SUSD4: variants seen among roughly 807,000 people sequenced by gnomAD.
SUSD4 encodes sushi domain-containing protein 4.
In SUSD4, 41 loss-of-function variants were observed where a neutral mutation model predicts 50.5. That is an observed-to-expected ratio of 0.81 (90% CI 0.63 to 1.05). The LOEUF is 1.05. Ranked by LOEUF, SUSD4 falls within the 50% of genes least tolerant of loss-of-function variation. SUSD4 has a pLI of 0.00. For synonymous variants in SUSD4, 257 were observed against 257.3 expected (o/e 1.00, Z 0.01); for missense variants, 580 against 634.7 (o/e 0.91, Z 0.93).
At chr1:223,331,568 A>C (rs1473788588) in intron 2 of SUSD4, among the ~76,000 whole-genome samples, 1 of 152,162 alleles carries the variant, frequency 6.6e-6, no homozygotes, top group Non-Finnish European at 1.5e-5. Flanking sequence ...GCCTACTTAA[A>C]AGCCCTTGGT....
At position 223,230,960 on chromosome 1, in the gene SUSD4, A is replaced by G. The variant is rs191872975; in HGVS notation, c.725-1572T>C. ...ATTCAGGGAAAACCAGGACTTGAGTATCTAAAGAGATGGAATTTAACGAGG... is the reference window on the plus strand; with the variant it reads ...ATTCAGGGAAAACCAGGACTTGAGTGTCTAAAGAGATGGAATTTAACGAGG... On this transcript the variant is annotated intron_variant, in intron 5 of 8. Transcript: ENST00000366878. Among the ~76,000 whole-genome samples, 249 of 152,286 alleles carry G rather than the reference A, an allele frequency of 1.6e-3. 1 individual carries two copies. The highest frequency in any genetic ancestry group is 5.8e-3 in the African/African-American group (241 of 41,556).
intron 1 of SUSD4, 106 bp from the exon 2 acceptor site, chr1:223,363,566 A>C: frequency 1.5e-6 from 2 of 1,292,512 alleles, no homozygotes; most frequent in Non-Finnish European, 2.0e-6. Flanking sequence ...CCCAGGCTCC[A>C]TCCTGGTTCC....
Position 223,363,277 on chromosome 1 carries a change from C to T in SUSD4, c.148+1G>A. 3.1e-6 allele frequency: 5 copies of T among 1,587,638 alleles called. No individual in the cohort carries two copies. The highest frequency in any genetic ancestry group is 4.3e-6 in the Non-Finnish European group (5 of 1,165,254). ...CCTCCCACCACAGCTGGGTCACTCA[C>T]CGCCCGTGAGCTGTGCAGGGCCGAA... On this transcript the variant is annotated splice_donor_variant, in intron 2 of 8. Coordinates refer to ENST00000366878, the MANE Select transcript of SUSD4 (RefSeq NM_017982.4). LOFTEE classifies it high-confidence loss of function.
chr1:223,229,048 C>G lies in SUSD4; in HGVS notation c.916+149G>C. The G allele has an allele frequency of 2.5e-6, 2 of 786,738 alleles. No individual in the cohort carries two copies. Among genetic ancestry groups the G allele is most frequent in the Non-Finnish European group, 4.0e-6 (2 of 506,300 alleles). 48.7% of individuals were successfully genotyped at this position (786,738 alleles called of 1,614,324 possible). A position where few individuals can be genotyped will look rare whatever the true frequency, so the allele number is the denominator to read the frequency against. On this transcript the variant is annotated intron_variant, in intron 6 of 8. Transcript: ENST00000366878. The surrounding 1 kb of genome is among the most constrained non-coding windows in gnomAD (Gnocchi z 4.7). ...TCTGGCACAGAGCCCAACAGCAGCC[C>G]CATCGACCCGCAATGATATGTTTCG...
intron 8 of SUSD4, 50 bp from the exon 9 acceptor site, chr1:223,222,270 G>T: frequency 6.3e-7 from 1 of 1,581,612 alleles, no homozygotes; most frequent in South Asian, 1.1e-5. Context: ...AAAACACCAT[G>T]ACGATCTGGA....
intron 3 of SUSD4, among the ~76,000 whole-genome samples, chr1:223,287,555 G>A (rs1044909845): frequency 3.0e-4 from 45 of 152,236 alleles, no homozygotes; most frequent in African/African-American, 9.9e-4. Flanking sequence ...TGGAGGCCCC[G>A]TAAGTTCTCT....
At chr1:223,331,569 A>G (rs888359140) in intron 2 of SUSD4, among the ~76,000 whole-genome samples, 1 of 152,208 alleles carries the variant, frequency 6.6e-6, no homozygotes, top group Non-Finnish European at 1.5e-5. Context: ...CCTACTTAAA[A>G]GCCCTTGGTT....
chr1:223,221,914 G>A lies in SUSD4; in HGVS notation c.*278C>T, dbSNP rs896573972. 2.8e-5 allele frequency: 11 copies of A among 397,114 alleles called. No individual in the cohort carries two copies. Among genetic ancestry groups the A allele is most frequent in the African/African-American group, 1.9e-4 (9 of 48,632 alleles). The allele number at this position is 397,114 out of a possible 1,614,324, so 24.6% of individuals were successfully genotyped here. A position where few individuals can be genotyped will look rare whatever the true frequency, so the allele number is the denominator to read the frequency against. ...GGAATTGTCCCATGTTCCACAGCAC[G>A]ATACACATTTAACACCCCTCATCCA... On this transcript the variant is annotated 3_prime_UTR_variant, in exon 9 of 9. Transcript: ENST00000366878.
chr1:223,252,232 A>ATATATATAT (rs1315896019), intron 5 of SUSD4, among the ~76,000 whole-genome samples: 3 of 65,748 alleles, frequency 4.6e-5, no homozygotes, highest in African/African-American at 9.1e-5. Flanking sequence ...AAAAAAAAAA[A>ATATATATAT]AAAAATATAT....
intron 2 of SUSD4, among the ~76,000 whole-genome samples, chr1:223,357,173 C>T (rs1668713507): frequency 6.6e-6 from 1 of 152,204 alleles, no homozygotes; most frequent in South Asian, 2.1e-4. Flanking sequence ...GTCCTCTTAC[C>T]ATTCACCATT....
intron 5 of SUSD4, chr1:223,264,388 G>A: frequency 8.2e-7 from 1 of 1,224,682 alleles, no homozygotes; most frequent in Non-Finnish European, 1.0e-6. Context: ...AACCTTTAAT[G>A]TTCGCAACTT....
At chr1:223,307,364 C>A (rs541202703) in intron 2 of SUSD4, among the ~76,000 whole-genome samples, 1 of 152,180 alleles carries the variant, frequency 6.6e-6, no homozygotes, top group Non-Finnish European at 1.5e-5. Context: ...GTTTACAATG[C>A]GTTTTACATA....
Position 223,251,814 on chromosome 1 carries a change from T to G in SUSD4, c.724+12816A>C, listed in dbSNP as rs573130301. Among the ~76,000 whole-genome samples the G allele has an allele frequency of 4.3e-4, 65 of 152,270 alleles. 2 individuals are homozygous for G. Among genetic ancestry groups the G allele is most frequent in the African/African-American group, 1.4e-3 (60 of 41,562 alleles). On this transcript the variant is annotated intron_variant, in intron 5 of 8. Transcript: ENST00000366878. ...AATGGTATTTCTAGTTCTAGGTCCCTGAGGAATTGCCACACTGTCTTCCAC... is the reference window on the plus strand; with the variant it reads ...AATGGTATTTCTAGTTCTAGGTCCCGGAGGAATTGCCACACTGTCTTCCAC...
At position 223,229,213 on chromosome 1, in the gene SUSD4, G is replaced by C; in HGVS notation, c.900C>G (p.Val300=). Residue 300 remains valine, a synonymous_variant, in exon 6 of 9, where the codon GTC becomes GTG. Transcript: ENST00000366878. This position sits in a 1 kb window ranked among gnomAD's most constrained non-coding sequence, Gnocchi z 4.7. Reference sequence around the variant, plus strand: ...CAGTCTTACCTGATTTGATGCAGTAGACTTGATAAGAAGGAAACCACTCTC... The same window carrying C: ...CAGTCTTACCTGATTTGATGCAGTACACTTGATAAGAAGGAAACCACTCTC... The part of the protein sequence containing the change: ...QYGEWFPSYQ[V]YCIKSEQTWP... 1.2e-6 allele frequency: 2 copies of C among 1,605,976 alleles called. No individual in the cohort carries two copies. Among genetic ancestry groups the C allele is most frequent in the Middle Eastern group, 1.7e-4 (1 of 5,972 alleles).
intron 2 of SUSD4, among the ~76,000 whole-genome samples, chr1:223,342,464 T>C (rs1667812132): frequency 1.3e-5 from 2 of 152,202 alleles, no homozygotes; most frequent in African/African-American, 4.8e-5. Context: ...TGAGAACATT[T>C]TGAAAATGAA....
At chr1:223,260,470 A>T (rs990401883) in intron 5 of SUSD4, among the ~76,000 whole-genome samples, 23 of 152,196 alleles carry the variant, frequency 1.5e-4, no homozygotes, top group African/African-American at 5.1e-4. Context: ...ACGCACATGA[A>T]AGAGACAGAT....
intron 5 of SUSD4, among the ~76,000 whole-genome samples, chr1:223,260,456 G>A (rs1209025898): frequency 2.0e-5 from 3 of 152,164 alleles, no homozygotes; most frequent in African/African-American, 7.2e-5. Flanking sequence ...GTGCGTGTGT[G>A]TGCACGCACA....
chr1:223,307,356 T>A (rs754013357), intron 2 of SUSD4, among the ~76,000 whole-genome samples: 1 of 152,242 alleles, frequency 6.6e-6, no homozygotes, highest in Non-Finnish European at 1.5e-5. Context: ...ACTTCACAGT[T>A]TACAATGCGT....
At chr1:223,316,939 G>T (rs773526820) in intron 2 of SUSD4, among the ~76,000 whole-genome samples, 1 of 152,164 alleles carries the variant, frequency 6.6e-6, no homozygotes, top group Non-Finnish European at 1.5e-5. Flanking sequence ...TGGAGATGAC[G>T]ATGAGTCTGG....
Sources: allele counts gnomAD v4.1 joint callset (sites outside exome capture counted in the v4.1 genomes callset), GRCh38; gene constraint gnomAD v4.1.1; non-coding constraint Gnocchi (gnomAD v3.1); transcripts MANE v1.5; gene names NCBI Gene and HGNC (gene_info 2026-07-23, HGNC 2026-07-21).